Variants in NRXN3 observed in about 807,000 individuals in gnomAD.
NRXN3 encodes the protein neurexin III.
Under a neutral mutation model 137.6 loss-of-function variants are expected in NRXN3, and 32 were observed. The ratio of observed to expected loss-of-function variants is 0.23; its 90% CI spans 0.18 to 0.31. The LOEUF is 0.31. Among genes scored for constraint, NRXN3 ranks in the 10% least tolerant of loss-of-function variants. NRXN3 has a pLI of 1.00. For missense variants in NRXN3, 1,574 were observed against 2,062.5 expected, an observed-to-expected ratio of 0.76 and a Z score of 4.59; for synonymous variants, 798 against 784.5, an observed-to-expected ratio of 1.02 and a Z score of -0.29.
At chr14:78,494,749 G>A (rs10483902) in intron 4 of NRXN3, among the ~76,000 whole-genome samples, 80,019 of 151,896 alleles carry the variant, frequency 0.53, 21,458 homozygotes, top group Middle Eastern at 0.72. Flanking sequence ...TGAATAAATC[G>A]CCACCCAAAT....
chr14:79,428,151 C>T (rs888891920), intron 15 of NRXN3, among the ~76,000 whole-genome samples: 6 of 152,138 alleles, frequency 3.9e-5, no homozygotes, highest in Admixed American at 6.6e-5. Context: ...CATCTTCATT[C>T]GCTCCTTCAT....
At chr14:78,474,337 T>C (rs2095338744) in intron 4 of NRXN3, among the ~76,000 whole-genome samples, 2 of 152,164 alleles carry the variant, frequency 1.3e-5, no homozygotes, top group African/African-American at 4.8e-5. Flanking sequence ...TGGATAGCTG[T>C]CCCAGACCTT....
chr14:78,334,426 C>T (rs147250939), intron 4 of NRXN3, among the ~76,000 whole-genome samples: 7 of 152,110 alleles, frequency 4.6e-5, no homozygotes, highest in Non-Finnish European at 1.0e-4. Flanking sequence ...ACTTGCTTCT[C>T]CATCTATCTG....
intron 4 of NRXN3, among the ~76,000 whole-genome samples, chr14:78,487,385 A>G (rs1392955424): frequency 6.6e-6 from 1 of 152,116 alleles, no homozygotes; most frequent in Non-Finnish European, 1.5e-5. Context: ...GGGGGATAGT[A>G]CTTCAAGAAA....
At chr14:78,944,565 A>G (rs891461328) in intron 10 of NRXN3, among the ~76,000 whole-genome samples, 3 of 152,174 alleles carry the variant, frequency 2.0e-5, no homozygotes, top group Non-Finnish European at 4.4e-5. Flanking sequence ...TGGTGTCCTC[A>G]TCAGAAGAGG....
intron 16 of NRXN3, among the ~76,000 whole-genome samples, chr14:79,518,235 A>T (rs1179148147): frequency 6.6e-6 from 1 of 152,016 alleles, no homozygotes; most frequent in Non-Finnish European, 1.5e-5. Flanking sequence ...TTATAGAAGC[A>T]TTAGAGTATA....
chr14:78,892,993 T>A (rs926304574), intron 10 of NRXN3, among the ~76,000 whole-genome samples: 18 of 152,054 alleles, frequency 1.2e-4, no homozygotes, highest in African/African-American at 4.1e-4. Context: ...TTCCAGCGTC[T>A]CAACTAGTTC....
intron 4 of NRXN3, among the ~76,000 whole-genome samples, chr14:78,487,107 T>C (rs538469830): frequency 2.0e-5 from 3 of 152,220 alleles, no homozygotes; most frequent in Admixed American, 6.5e-5. Flanking sequence ...GTACCCAGTA[T>C]TGGCTGGCTT....
At chr14:78,846,216 C>G (rs2099026511) in intron 10 of NRXN3, among the ~76,000 whole-genome samples, 2 of 152,150 alleles carry the variant, frequency 1.3e-5, no homozygotes, top group South Asian at 4.1e-4. Flanking sequence ...ATTGTGTCCT[C>G]TCTGTGAATG....
chr14:78,761,526 T>G (rs2098692410), intron 8 of NRXN3, among the ~76,000 whole-genome samples: 1 of 152,150 alleles, frequency 6.6e-6, no homozygotes, highest in African/African-American at 2.4e-5. Flanking sequence ...TCATAATGCT[T>G]TTATTTCTCA....
chr14:79,037,656 T>C (rs186342207), intron 15 of NRXN3, among the ~76,000 whole-genome samples: 88 of 152,202 alleles, frequency 5.8e-4, no homozygotes, highest in African/African-American at 1.8e-3. Flanking sequence ...TAGTGCCACA[T>C]TGAGAGGAGA....
chr14:78,636,972 TTTTTTTA>T (rs1371953248), intron 4 of NRXN3, among the ~76,000 whole-genome samples: 3 of 152,140 alleles, frequency 2.0e-5, no homozygotes, highest in Non-Finnish European at 2.9e-5. Context: ...GTTCTGTGTT[TTTTTTTA>T]TTTTTTATTT....
intron 15 of NRXN3, among the ~76,000 whole-genome samples, chr14:79,189,267 C>T (rs1437214787): frequency 6.6e-6 from 1 of 151,746 alleles, no homozygotes; most frequent in Non-Finnish European, 1.5e-5. Context: ...AATCATCATT[C>T]TCAGTAAACT....
At chr14:79,066,680 C>T (rs1005705694) in intron 15 of NRXN3, among the ~76,000 whole-genome samples, 1 of 151,740 alleles carries the variant, frequency 6.6e-6, no homozygotes, top group Non-Finnish European at 1.5e-5. Flanking sequence ...AGTTCCTTCA[C>T]TTCCCTTGTT....
intron 15 of NRXN3, among the ~76,000 whole-genome samples, chr14:79,385,584 C>A (rs2094590657): frequency 6.6e-6 from 1 of 152,044 alleles, no homozygotes; most frequent in Non-Finnish European, 1.5e-5. Flanking sequence ...GAGGTGGGGC[C>A]TGGTGGGAGG....
chr14:79,773,648 G>T (rs2099087042), intron 19 of NRXN3, among the ~76,000 whole-genome samples: 1 of 113,982 alleles, frequency 8.8e-6, no homozygotes, highest in Non-Finnish European at 1.7e-5. Flanking sequence ...GGAGGGGGGA[G>T]GGATAGCATT....
At chr14:79,117,308 G>A (rs1224236606) in intron 15 of NRXN3, among the ~76,000 whole-genome samples, 1 of 152,188 alleles carries the variant, frequency 6.6e-6, no homozygotes. Context: ...TCTCCATGGA[G>A]GGAAGGACTC....
chr14:79,703,367 C>A (rs1322760653), intron 19 of NRXN3, among the ~76,000 whole-genome samples: 1 of 152,094 alleles, frequency 6.6e-6, no homozygotes, highest in East Asian at 1.9e-4. Context: ...AAATGTTCAT[C>A]CTGCGCAACG....
chr14:79,710,748 C>CACTTGAACAACATCA (rs1433920683), intron 19 of NRXN3, among the ~76,000 whole-genome samples: 1 of 151,952 alleles, frequency 6.6e-6, no homozygotes, highest in Non-Finnish European at 1.5e-5. Flanking sequence ...CTGTCCTGGG[C>CACTTGAACAACATCA]ACTTGAACAA....
Sources: gnomAD v4.1 joint callset for allele counts (sites outside exome capture counted in the v4.1 genomes callset) on GRCh38, gnomAD v4.1.1 for gene constraint, MANE v1.5 for transcripts, NCBI Gene and HGNC (gene_info 2026-07-23, HGNC 2026-07-21) for gene names.